AFF3: variants seen among roughly 807,000 people sequenced by gnomAD.
AFF3 encodes AF4/FMR2 family member 3.
Under a neutral mutation model 129.7 loss-of-function variants are expected in AFF3, and 32 were observed. The ratio of observed to expected loss-of-function variants is 0.25; its 90% confidence interval spans 0.19 to 0.33. The LOEUF (loss-of-function observed/expected upper bound fraction) is 0.33. Among genes scored for constraint, AFF3 ranks in the 10% least tolerant of loss-of-function variants. The probability of loss-of-function intolerance (pLI) is 1.00; values close to 1 mark genes in which losing one functional copy is unlikely to be tolerated. For synonymous variants in AFF3, 644 were observed against 635.4 expected (o/e 1.01, Z -0.20); for missense variants, 1,373 against 1,592.0 (o/e 0.86, Z 2.34).
chr2:99,736,906 G>A (rs6756009), intron 10 of AFF3, among the ~76,000 whole-genome samples: 111,753 of 152,090 alleles, frequency 0.73, 41,934 homozygotes, highest in East Asian at 0.92. Flanking sequence ...CACCACGCCC[G>A]GCCTTTAAAT....
chr2:99,565,920 C>G (rs956171914), intron 19 of AFF3, among the ~76,000 whole-genome samples: 1 of 152,174 alleles, frequency 6.6e-6, no homozygotes, highest in African/African-American at 2.4e-5. Flanking sequence ...CTCTTTCTAA[C>G]CCCTAATGGT....
At chr2:99,945,553 T>C (rs1675478368) in intron 7 of AFF3, among the ~76,000 whole-genome samples, 1 of 152,146 alleles carries the variant, frequency 6.6e-6, no homozygotes, top group Admixed American at 6.5e-5. Context: ...TTAGTAACAG[T>C]TCCTGCTTTC....
At position 99,593,722 on chromosome 2, in the gene AFF3, A is replaced by C. The variant is rs555124160; in HGVS notation, c.1939T>G (p.Cys647Gly). 9 of 1,611,002 alleles carry C rather than the reference A, an allele frequency of 5.6e-6. 1 individual carries two copies. The South Asian group carries it at 8.8e-5, about 16-fold the overall frequency. ...AGCCCCCGCGTGCGGCGCTTCTCGC[A>C]GGTCACGGAGGAGCGCAGCTCCTTG... ...HRKELRSSVT[C>G]EKRRTRGLSR... Residue 647 changes from cysteine to glycine, a missense_variant, in exon 15 of 25, where the codon TGC (cysteine) becomes GGC (glycine). By Grantham distance (159) the Cys-to-Gly change is radical. Coordinates refer to ENST00000672756, the MANE Select transcript of AFF3 (RefSeq NM_001386135.1).
At chr2:99,672,508 A>G in intron 12 of AFF3, 30 bp downstream of exon 12, 4 of 1,606,716 alleles carry the variant, frequency 2.5e-6, no homozygotes, top group South Asian at 2.2e-5. Context: ...TGTCACCTCC[A>G]AAGGATGATG....
At chr2:99,613,636 T>C (rs1283503420) in intron 13 of AFF3, among the ~76,000 whole-genome samples, 2 of 152,252 alleles carry the variant, frequency 1.3e-5, no homozygotes, top group African/African-American at 2.4e-5. Context: ...TTTTGATTGA[T>C]ATACCATAAT....
chr2:99,747,665 T>C (rs1357761676), intron 9 of AFF3, among the ~76,000 whole-genome samples: 2 of 152,222 alleles, frequency 1.3e-5, no homozygotes, highest in African/African-American at 2.4e-5. Context: ...ATAACCATTA[T>C]TATTTCTGTT....
chr2:99,660,637 GA>G (rs1214147091), intron 12 of AFF3, among the ~76,000 whole-genome samples: 3 of 152,220 alleles, frequency 2.0e-5, no homozygotes, highest in African/African-American at 7.2e-5. Context: ...AATCCAGGTT[GA>G]AAGAAGAGGT....
At chr2:99,896,499 A>G (rs1324861600) in intron 7 of AFF3, among the ~76,000 whole-genome samples, 1 of 151,890 alleles carries the variant, frequency 6.6e-6, no homozygotes, top group African/African-American at 2.4e-5. Flanking sequence ...TGCCTTTTGC[A>G]TGAACTGTCA....
At chr2:99,871,936 G>A (rs932311656) in intron 7 of AFF3, among the ~76,000 whole-genome samples, 3 of 152,018 alleles carry the variant, frequency 2.0e-5, no homozygotes, top group Non-Finnish European at 2.9e-5. Flanking sequence ...GGCCAGGTGC[G>A]GTGGCTCATG....
intron 22 of AFF3, 90 bp from the exon 23 acceptor site, chr2:99,554,822 A>G: frequency 3.4e-6 from 5 of 1,473,140 alleles, no homozygotes; most frequent in Non-Finnish European, 4.7e-6. Context: ...CTGCAGAGAG[A>G]AGCAAAGGCA....
At chr2:100,132,535 A>G (rs1692465143) in intron 1 of AFF3, among the ~76,000 whole-genome samples, 1 of 152,242 alleles carries the variant, frequency 6.6e-6, no homozygotes, top group African/African-American at 2.4e-5. Flanking sequence ...AGAGAAATTT[A>G]GAAAAGTTTC....
chr2:99,554,441 G>A lies in AFF3; in HGVS notation c.3429C>T (p.Ser1143=), dbSNP rs765114515. The change falls in exon 24 of 25, where the codon TCC becomes TCT. Residue 1143 remains serine, a synonymous_variant. Coordinates refer to ENST00000672756, the MANE Select transcript of AFF3 (RefSeq NM_001386135.1). ...GTGGGATGCTGACGATGGTCGACGG[G>A]GACAGGGCGCTGGCGTTGGAGAGGC... ...QGSLSNASAL[S]PSTIVSIPQR... The A allele has an allele frequency of 6.2e-7, 1 of 1,614,132 alleles. No individual in the cohort carries two copies. Among genetic ancestry groups the A allele is most frequent in the Non-Finnish European group, 8.5e-7 (1 of 1,180,032 alleles).
At chr2:99,639,024 C>T (rs768243205) in intron 13 of AFF3, among the ~76,000 whole-genome samples, 1 of 152,156 alleles carries the variant, frequency 6.6e-6, no homozygotes, top group Non-Finnish European at 1.5e-5. Context: ...TGGGCTGTGG[C>T]CTCCTTACCA....
intron 4 of AFF3, among the ~76,000 whole-genome samples, chr2:100,039,810 G>C (rs982156604): frequency 1.2e-4 from 18 of 152,122 alleles, no homozygotes; most frequent in African/African-American, 4.1e-4. Flanking sequence ...CAGTCCCTGA[G>C]GTGATTGCCT....
intron 2 of AFF3, among the ~76,000 whole-genome samples, chr2:100,109,233 T>C (rs958825865): frequency 3.5e-5 from 5 of 142,410 alleles, no homozygotes; most frequent in Non-Finnish European, 7.6e-5. Flanking sequence ...AATTAAAGTA[T>C]TGACAAATTG....
At chr2:99,849,496 C>T (rs1689984724) in intron 7 of AFF3, among the ~76,000 whole-genome samples, 1 of 152,166 alleles carries the variant, frequency 6.6e-6, no homozygotes, top group South Asian at 2.1e-4. Flanking sequence ...GGGGCGTCAT[C>T]TGATTTCTCT....
intron 7 of AFF3, among the ~76,000 whole-genome samples, chr2:99,958,515 C>A (rs1676887953): frequency 6.7e-6 from 1 of 149,708 alleles, no homozygotes; most frequent in African/African-American, 2.5e-5. Flanking sequence ...GGACACAATG[C>A]GACACAATTC....
chr2:99,666,348 C>T (rs967600214), intron 12 of AFF3, among the ~76,000 whole-genome samples: 33 of 152,080 alleles, frequency 2.2e-4, no homozygotes, highest in Admixed American at 2.2e-3. Flanking sequence ...TACCAGCGAA[C>T]TGTTATAAGT....
At chr2:100,101,727 C>T (rs2576629) in intron 4 of AFF3, among the ~76,000 whole-genome samples, 1 of 152,238 alleles carries the variant, frequency 6.6e-6, no homozygotes, top group East Asian at 1.9e-4. Context: ...ATTGTCTGAC[C>T]GGATTTGAAG....
Sources: gnomAD v4.1 joint callset for allele counts (sites outside exome capture counted in the v4.1 genomes callset) on GRCh38, gnomAD v4.1.1 for gene constraint, MANE v1.5 for transcripts, NCBI Gene and HGNC (gene_info 2026-07-23, HGNC 2026-07-21) for gene names.